TSPAN10: variants seen among roughly 807,000 people sequenced by gnomAD.
TSPAN10 encodes tetraspanin-10.
Under a neutral mutation model 15.0 loss-of-function variants are expected in TSPAN10, and 11 were observed. The observed-to-expected ratio is 0.73, with a 90% confidence interval of 0.46 to 1.21. TSPAN10 has a LOEUF of 1.21. TSPAN10 is among the 50% of genes most tolerant of loss of function. The pLI is 0.00. For synonymous variants in TSPAN10, 241 were observed against 226.2 expected, an observed-to-expected ratio of 1.07 and a Z score of -0.59; for missense variants, 486 against 470.6, an observed-to-expected ratio of 1.03 and a Z score of -0.30.
chr17:81,645,153 C>A, exon 2 of TSPAN10: 1 of 1,565,114 alleles, frequency 6.4e-7, no homozygotes, highest in Non-Finnish European at 8.6e-7. Context: ...AAGGACCAGC[C>A]CCTTCCCTCT....
At chr17:81,637,737 C>G (rs533125888), upstream of TSPAN10, 30 of 190,502 alleles carry the variant, frequency 1.6e-4, no homozygotes, top group Middle Eastern at 0.015. Flanking sequence ...AGTTCAAGAC[C>G]AGCCTGACCA....
intron 1 of TSPAN10, 84 bp downstream of exon 2, chr17:81,642,532 AC>A: frequency 7.1e-7 from 1 of 1,410,098 alleles, no homozygotes; most frequent in Non-Finnish European, 9.7e-7. Flanking sequence ...GGCTGGGTTC[AC>A]ACCCACCCCT....
rs200821905 is a variant in TSPAN10 at position 81,645,554 on chromosome 17, G to A, written c.599G>A (p.Arg200His). 94 of 1,610,560 alleles carry A rather than the reference G, an allele frequency of 5.8e-5. No homozygotes were observed. The highest frequency in any genetic ancestry group is 3.3e-4 in the Middle Eastern group (2 of 6,080). The change falls in exon 2 of 3, where the codon CGC becomes CAC. Residue 200 changes from arginine (R) to histidine (H), a missense_variant. Arg to His is a conservative substitution (Grantham distance 29, BLOSUM62 0). Coordinates refer to ENST00000611590, the Ensembl canonical transcript of TSPAN10. ...CACTACCAGGACGACCCAGACCTGC[G>A]CTTCCTCCTCGACCAAGTCCAGCTC...
At chr17:81,637,342 A>G in exon 1 of TSPAN10, 1 of 679,442 alleles carries the variant, frequency 1.5e-6, no homozygotes, top group Non-Finnish European at 2.7e-6. Flanking sequence ...AAAAATAACT[A>G]CTGCTGCGTA....
At chr17:81,640,800 G>A (rs909430020), upstream of TSPAN10, among the ~76,000 whole-genome samples, 4 of 152,118 alleles carry the variant, frequency 2.6e-5, no homozygotes, top group Non-Finnish European at 4.4e-5. Context: ...GGTCCGGGGG[G>A]CTAGAACTTT....
upstream of TSPAN10, among the ~76,000 whole-genome samples, chr17:81,639,705 G>C (rs563379832): frequency 1.6e-4 from 24 of 151,278 alleles, no homozygotes; most frequent in African/African-American, 5.6e-4. Context: ...TCATCCCAGC[G>C]CGGTGGCTCA....
At chr17:81,637,517 G>C, upstream of TSPAN10, 1 of 632,828 alleles carries the variant, frequency 1.6e-6, no homozygotes, top group Non-Finnish European at 2.9e-6. Flanking sequence ...CTGCATTTCA[G>C]GCCGGGCGCG....
At chr17:81,647,049 G>A in intron 2 of TSPAN10, among the ~76,000 whole-genome samples, 1 of 152,116 alleles carries the variant, frequency 6.6e-6, no homozygotes. Flanking sequence ...CTTGGTGCAT[G>A]TATCCAGGAG....
chr17:81,642,501 A>G, intron 1 of TSPAN10, 53 bp downstream of exon 2: 2 of 1,562,092 alleles, frequency 1.3e-6, no homozygotes, highest in Non-Finnish European at 1.7e-6. Context: ...CCCAGCCCTG[A>G]AGTCCTAAGG....
At chr17:81,643,887 C>G (rs2036207063) in intron 1 of TSPAN10, among the ~76,000 whole-genome samples, 1 of 152,098 alleles carries the variant, frequency 6.6e-6, no homozygotes, top group African/African-American at 2.4e-5. Flanking sequence ...CACGCGATCT[C>G]TGCTCATGCA....
chr17:81,641,565 A>G (rs974596292), upstream of TSPAN10, among the ~76,000 whole-genome samples: 1 of 151,762 alleles, frequency 6.6e-6, no homozygotes, highest in Non-Finnish European at 1.5e-5. Flanking sequence ...TGCCTGCTCC[A>G]TCAGTACATT....
At chr17:81,642,216 G>A, upstream of TSPAN10, 1 of 549,434 alleles carries the variant, frequency 1.8e-6, no homozygotes, top group East Asian at 3.0e-5. Context: ...GCTCTAAAAT[G>A]TGATTCTTCA....
intron 1 of TSPAN10, 97 bp downstream of exon 2, chr17:81,642,545 C>A: frequency 8.1e-7 from 1 of 1,238,942 alleles, no homozygotes; most frequent in Non-Finnish European, 1.1e-6. Flanking sequence ...CCCACCCCTG[C>A]CCCTGGTGCC....
chr17:81,642,195 G>C (rs1052713278), upstream of TSPAN10: 10 of 522,016 alleles, frequency 1.9e-5, no homozygotes, highest in Middle Eastern at 5.0e-4. Flanking sequence ...CACAAGCAGA[G>C]GCCTCCTTAA....
At chr17:81,638,171 C>G (rs2036134093), upstream of TSPAN10, 1 of 152,068 alleles carries the variant, frequency 6.6e-6, no homozygotes, top group South Asian at 2.1e-4. Context: ...TAGACTTTAT[C>G]AAGACAGGGG....
chr17:81,644,934 C>G (rs1568179524), intron 1 of TSPAN10, 58 bp from the exon 3 acceptor site: 7 of 1,596,770 alleles, frequency 4.4e-6, no homozygotes, highest in Non-Finnish European at 5.9e-6. Context: ...TGACCCCTCA[C>G]CAGTTGTCAC....
downstream of TSPAN10, chr17:81,648,337 G>A (rs1454603934): frequency 2.5e-6 from 3 of 1,198,304 alleles, no homozygotes; most frequent in African/African-American, 1.6e-5. Flanking sequence ...CAGGGATACA[G>A]GGGGCGCCTC....
intron 1 of TSPAN10, among the ~76,000 whole-genome samples, chr17:81,643,881 C>T (rs529111279): frequency 1.5e-4 from 23 of 152,152 alleles, no homozygotes; most frequent in African/African-American, 5.3e-4. Flanking sequence ...TGCAGTCACG[C>T]GATCTCTGCT....
chr17:81,640,077 G>A (rs538698466), upstream of TSPAN10, among the ~76,000 whole-genome samples: 10 of 152,094 alleles, frequency 6.6e-5, no homozygotes, highest in African/African-American at 2.2e-4. Flanking sequence ...CGACTTCCCA[G>A]GCTCAGGTGA....
Sources: allele counts gnomAD v4.1 joint callset (sites outside exome capture counted in the v4.1 genomes callset), GRCh38; gene constraint gnomAD v4.1.1; transcripts MANE v1.5; gene names NCBI Gene and HGNC (gene_info 2026-07-23, HGNC 2026-07-21).